SOX6: variants seen among roughly 807,000 people sequenced by gnomAD.
The protein encoded by SOX6 is transcription factor SOX-6.
SOX6 carries 11 observed loss-of-function variants against 97.8 expected under a neutral mutation model. The ratio of observed to expected loss-of-function variants is 0.11; its 90% CI spans 0.07 to 0.19. SOX6 has a LOEUF of 0.19. Ranked by LOEUF, SOX6 falls within the 10% of genes least tolerant of loss-of-function variation. The pLI, the probability that SOX6 is intolerant of heterozygous loss-of-function variation, is 1.00. For missense variants in SOX6, 810 were observed against 1,039.5 expected, an observed-to-expected ratio of 0.78 and a Z score of 3.04; for synonymous variants, 360 against 371.4, an observed-to-expected ratio of 0.97 and a Z score of 0.35.
At chr11:16,041,422 A>T (rs1855660225) in intron 12 of SOX6, among the ~76,000 whole-genome samples, 1 of 152,150 alleles carries the variant, frequency 6.6e-6, no homozygotes, top group Non-Finnish European at 1.5e-5. Context: ...CATCAGTGTA[A>T]TACTGATGTA....
At chr11:16,280,897 G>A (rs777763967) in intron 3 of SOX6, among the ~76,000 whole-genome samples, 21 of 151,806 alleles carry the variant, frequency 1.4e-4, no homozygotes, top group South Asian at 4.2e-4. Context: ...CTTAATTATC[G>A]TTTTGTCATA....
chr11:16,573,939 A>C (rs577389852), intron 4 of SOX6, among the ~76,000 whole-genome samples: 61 of 152,274 alleles, frequency 4.0e-4, no homozygotes, highest in African/African-American at 1.4e-3. Context: ...CTTAATGTTC[A>C]TGTTGTATAA....
At chr11:16,510,989 T>A (rs528588447) in intron 4 of SOX6, among the ~76,000 whole-genome samples, 4 of 152,146 alleles carry the variant, frequency 2.6e-5, no homozygotes, top group Non-Finnish European at 5.9e-5. Context: ...ATAAAAAAAA[T>A]CAGCTTGCAA....
intron 1 of SOX6, among the ~76,000 whole-genome samples, chr11:16,403,223 A>G (rs1858605506): frequency 6.6e-6 from 1 of 151,698 alleles, no homozygotes; most frequent in African/African-American, 2.4e-5. Context: ...GCCCAGTCTT[A>G]GAATAACAAT....
chr11:16,097,465 C>T (rs958371227), intron 8 of SOX6, 144 bp downstream of exon 8: 31 of 730,004 alleles, frequency 4.2e-5, no homozygotes, highest in African/African-American at 1.8e-4. Context: ...ATTTGCATTA[C>T]GATAAGCAAA....
intron 4 of SOX6, among the ~76,000 whole-genome samples, chr11:16,541,793 G>A (rs560038224): frequency 1.3e-5 from 2 of 151,980 alleles, no homozygotes; most frequent in South Asian, 2.1e-4. Context: ...AGAATGGTGA[G>A]CATTAAAAAG....
chr11:15,990,165 C>A (rs1173956035), intron 13 of SOX6, among the ~76,000 whole-genome samples: 1 of 151,846 alleles, frequency 6.6e-6, no homozygotes, highest in Non-Finnish European at 1.5e-5. Context: ...TCCCTCCTTT[C>A]CACTCCTCTC....
intron 1 of SOX6, among the ~76,000 whole-genome samples, chr11:16,364,781 A>G (rs1380362330): frequency 1.3e-5 from 2 of 152,134 alleles, no homozygotes; most frequent in African/African-American, 4.8e-5. Context: ...CAGTTAGAAA[A>G]GGGCAGAGGC....
intron 1 of SOX6, among the ~76,000 whole-genome samples, chr11:16,428,011 T>C (rs1859186269): frequency 6.6e-6 from 1 of 152,246 alleles, no homozygotes; most frequent in Non-Finnish European, 1.5e-5. Context: ...GACTTTTTAA[T>C]GCTCACCATT....
intron 3 of SOX6, among the ~76,000 whole-genome samples, chr11:16,706,471 A>AAAAAAAAT (rs1848135719): frequency 4.5e-5 from 1 of 22,272 alleles, no homozygotes; most frequent in Non-Finnish European, 7.6e-5. Context: ...AAAAAAAAAA[A>AAAAAAAAT]ATATATATAT....
chr11:16,100,167 T>C (rs1388839184), intron 7 of SOX6, among the ~76,000 whole-genome samples: 2 of 151,832 alleles, frequency 1.3e-5, no homozygotes, highest in African/African-American at 2.4e-5. Context: ...TGTAAGTCAA[T>C]CAAGAAAAAG....
At chr11:16,684,910 T>C (rs1226668840) in intron 3 of SOX6, among the ~76,000 whole-genome samples, 1 of 151,970 alleles carries the variant, frequency 6.6e-6, no homozygotes, top group Non-Finnish European at 1.5e-5. Flanking sequence ...CCCACGAGCT[T>C]TTACTTATGG....
chr11:16,716,348 A>C (rs1338085940), intron 2 of SOX6, among the ~76,000 whole-genome samples: 1 of 152,214 alleles, frequency 6.6e-6, no homozygotes, highest in Non-Finnish European at 1.5e-5. Flanking sequence ...GCTGGAGGCC[A>C]GCTTGGGCAA....
At position 16,730,111 on chromosome 11, in the gene SOX6, C is replaced by T. The variant is rs192645542; in HGVS notation, n.353+6228G>A. On this transcript the variant is annotated intron_variant and non_coding_transcript_variant, in intron 2 of 5. Transcript: ENST00000524520. Reference sequence around the variant, plus strand: ...ATTCATAAAGCAAGTTCTTAGAGACCTACAAAGGGACTTAGACTCCCACAC... The same window carrying T: ...ATTCATAAAGCAAGTTCTTAGAGACTTACAAAGGGACTTAGACTCCCACAC... 2.6e-3 allele frequency among the ~76,000 whole-genome samples: 394 copies of T among 150,926 alleles called. 1 individual carries two copies. Among genetic ancestry groups the T allele is most frequent in the African/African-American group, 9.0e-3 (368 of 41,108 alleles).
chr11:16,129,869 C>T (rs1365242717), intron 6 of SOX6, among the ~76,000 whole-genome samples: 1 of 152,044 alleles, frequency 6.6e-6, no homozygotes, highest in Non-Finnish European at 1.5e-5. Flanking sequence ...GTGAAAGGAT[C>T]CTTGCTTTCT....
intron 12 of SOX6, among the ~76,000 whole-genome samples, chr11:16,026,981 T>C (rs1042806002): frequency 2.6e-5 from 4 of 152,188 alleles, no homozygotes; most frequent in Non-Finnish European, 5.9e-5. Flanking sequence ...GTTAATTGTA[T>C]GGTTTTCCAA....
intron 4 of SOX6, among the ~76,000 whole-genome samples, chr11:16,500,628 A>G (rs1311818561): frequency 1.3e-5 from 2 of 152,244 alleles, no homozygotes; most frequent in Non-Finnish European, 2.9e-5. Context: ...ATACAAAATC[A>G]ATGTGCAAAA....
intron 4 of SOX6, among the ~76,000 whole-genome samples, chr11:16,611,640 C>G (rs1439862915): frequency 6.6e-6 from 1 of 152,238 alleles, no homozygotes; most frequent in Non-Finnish European, 1.5e-5. Context: ...TACCAAATAA[C>G]AGTGCCCTTG....
At chr11:16,112,059 G>C in intron 6 of SOX6, 136 bp from the exon 7 acceptor site, 1 of 1,120,774 alleles carries the variant, frequency 8.9e-7, no homozygotes, top group Non-Finnish European at 1.3e-6. Context: ...TGCAATCTGA[G>C]AAAATTCAGT....
Sources: gnomAD v4.1 joint callset for allele counts (sites outside exome capture counted in the v4.1 genomes callset) on GRCh38, gnomAD v4.1.1 for gene constraint, MANE v1.5 for transcripts, NCBI Gene and HGNC (gene_info 2026-07-23, HGNC 2026-07-21) for gene names.